TLN2: variants seen among roughly 807,000 people sequenced by gnomAD.
The protein encoded by TLN2 is talin 2.
TLN2 carries 118 observed loss-of-function variants against 294.7 expected under a neutral mutation model. The ratio of observed to expected loss-of-function variants is 0.40; its 90% CI spans 0.34 to 0.47. The LOEUF is 0.47. Ranked by LOEUF, TLN2 falls within the 20% of genes least tolerant of loss-of-function variation. TLN2 has a pLI of 0.84. For synonymous variants in TLN2, 1,431 were observed against 1,304.5 expected (o/e 1.10, Z -2.09); for missense variants, 3,083 against 3,282.2 (o/e 0.94, Z 1.48).
chr15:62,620,871 C>T (rs1282731685), intron 3 of TLN2, among the ~76,000 whole-genome samples: 5 of 130,224 alleles, frequency 3.8e-5, no homozygotes, highest in Admixed American at 2.6e-4. Flanking sequence ...GAGACGGAGT[C>T]TCTGTCGCCC....
chr15:62,801,283 C>T (rs1319856569), intron 50 of TLN2, among the ~76,000 whole-genome samples: 1 of 152,156 alleles, frequency 6.6e-6, no homozygotes, highest in Non-Finnish European at 1.5e-5. Context: ...GAGAAATTGA[C>T]CCTGTTCTTT....
At chr15:62,630,950 A>C (rs1027485253) in intron 3 of TLN2, among the ~76,000 whole-genome samples, 5 of 152,156 alleles carry the variant, frequency 3.3e-5, no homozygotes, top group African/African-American at 7.2e-5. Flanking sequence ...AAATTTCTAG[A>C]TGTCTTTCGA....
At chr15:62,739,182 G>T (rs1385004462) in intron 30 of TLN2, among the ~76,000 whole-genome samples, 166 bp from the exon 31 acceptor site, 4 of 152,162 alleles carry the variant, frequency 2.6e-5, no homozygotes, top group African/African-American at 9.6e-5. Flanking sequence ...TGTATATGTT[G>T]GTGGTCAAAC....
chr15:62,727,536 G>A (rs958469178), intron 28 of TLN2, among the ~76,000 whole-genome samples: 1 of 152,226 alleles, frequency 6.6e-6, no homozygotes, highest in Non-Finnish European at 1.5e-5. Flanking sequence ...GATGTCAATG[G>A]AATGTGTGAA....
chr15:62,741,051 T>C (rs2061296284), intron 32 of TLN2, among the ~76,000 whole-genome samples: 1 of 152,224 alleles, frequency 6.6e-6, no homozygotes, highest in Non-Finnish European at 1.5e-5. Context: ...TGCAATGAAT[T>C]AAACAGATTT....
intron 1 of TLN2, among the ~76,000 whole-genome samples, chr15:62,504,464 C>T (rs571573736): frequency 3.3e-5 from 5 of 152,262 alleles, no homozygotes; most frequent in South Asian, 2.1e-4. Flanking sequence ...GTGAGGTATT[C>T]GTGTAAAAGC....
At chr15:62,445,360 G>C (rs561196422) in intron 1 of TLN2, among the ~76,000 whole-genome samples, 1 of 152,124 alleles carries the variant, frequency 6.6e-6, no homozygotes, top group Non-Finnish European at 1.5e-5. Context: ...TGCTATATAC[G>C]TTAGAGTTTA....
rs571919048 is a variant in TLN2, at chr15:62,830,500, G to A, written c.7003-3004G>A. The stretch of plus-strand genomic sequence containing the variant: ...AATTCTGTTTCCTTCTTGTGATATG[G>A]TTAAGTGTGTGTCCTTCCTACCTTC... On this transcript the variant is annotated intron_variant, in intron 54 of 58. Coordinates refer to ENST00000636159, the MANE Select transcript of TLN2 (RefSeq NM_015059.3). 2.6e-5 allele frequency: 4 copies of A among 152,330 alleles called. No individual in the cohort carries two copies. The South Asian group carries it at 8.3e-4, about 32-fold the overall frequency. The allele number at this position is 152,330 out of a possible 1,614,324, so 9.4% of individuals were successfully genotyped here.
intron 41 of TLN2, 21 bp from the exon 42 acceptor site, chr15:62,770,943 T>G: frequency 6.9e-6 from 2 of 290,882 alleles, no homozygotes; most frequent in Non-Finnish European, 1.0e-5. Context: ...CATCTCTGGC[T>G]TTTTTTTTTT....
At chr15:62,629,938 T>G (rs928095061) in intron 3 of TLN2, among the ~76,000 whole-genome samples, 23 of 152,200 alleles carry the variant, frequency 1.5e-4, no homozygotes, top group African/African-American at 5.1e-4. Flanking sequence ...GCACCATAGA[T>G]CATTTTAACA....
intron 1 of TLN2, among the ~76,000 whole-genome samples, chr15:62,399,273 A>AAAAAAAAAAAAAAAAAAG (rs2032829301): frequency 6.6e-6 from 1 of 150,804 alleles, no homozygotes; most frequent in Non-Finnish European, 1.5e-5. Context: ...AAAAAAAAAA[A>AAAAAAAAAAAAAAAAAAG]AAAAAAAAAA....
chr15:62,799,375 G>A (rs1397408509), intron 48 of TLN2, among the ~76,000 whole-genome samples: 2 of 152,206 alleles, frequency 1.3e-5, no homozygotes, highest in African/African-American at 2.4e-5. Context: ...TGGAGCTACT[G>A]GACTGGGAAC....
chr15:62,567,917 A>T (rs565890629), intron 1 of TLN2, among the ~76,000 whole-genome samples: 10 of 152,250 alleles, frequency 6.6e-5, no homozygotes, highest in African/African-American at 2.4e-4. Flanking sequence ...TCGGCCAGGC[A>T]TGCTAAAGAT....
rs781612447 is a variant in TLN2, at chr15:62,694,366, G to A, written c.1266G>A (p.Met422Ile). ...FGLEGDEEST[M>I]LEESVSPKKS... ...TAGAAGGTGATGAGGAGTCAACCAT[G>A]TTAGAAGAGTCCGTTTCCCCAAAAA... Residue 422 changes from methionine to isoleucine, a missense_variant, in exon 14 of 59, where the codon ATG becomes ATA. Physicochemically the swap from Met to Ile is conservative, Grantham distance 10. Coordinates refer to ENST00000636159, the MANE Select transcript of TLN2 (RefSeq NM_015059.3). 5 of 1,614,004 alleles carry A rather than the reference G, an allele frequency of 3.1e-6. No homozygotes were observed. Among genetic ancestry groups the A allele is most frequent in the Non-Finnish European group, 4.2e-6 (5 of 1,179,998 alleles).
chr15:62,763,691 T>G lies in TLN2; in HGVS notation c.5090T>G (p.Val1697Gly). The G allele has an allele frequency of 6.2e-7, 1 of 1,605,036 alleles. No homozygotes were observed. Among genetic ancestry groups the G allele is most frequent in the Non-Finnish European group, 8.5e-7 (1 of 1,175,068 alleles). The stretch of plus-strand genomic sequence containing the variant: ...CTGGCCACGAGGGACGACATCTCTG[T>G]GGAGGTAAGCTGGGAATCTGGGGGC... Reference protein sequence around the residue: ...QSLATRDDISVEALQEQLTSV... With the variant: ...QSLATRDDISGEALQEQLTSV... The change falls in exon 40 of 59, where the codon GTG becomes GGG. Residue 1697 changes from valine to glycine, a missense_variant. Coordinates refer to ENST00000636159, the MANE Select transcript of TLN2 (RefSeq NM_015059.3).
intron 55 of TLN2, 119 bp from the exon 56 acceptor site, chr15:62,835,618 G>A (rs1451525580): frequency 3.7e-6 from 4 of 1,078,378 alleles, no homozygotes; most frequent in South Asian, 2.6e-5. Context: ...GGCCTGTGCT[G>A]TTGGCAGGAG....
chr15:62,473,345 T>C (rs2140366334), intron 1 of TLN2, among the ~76,000 whole-genome samples: 1 of 150,892 alleles, frequency 6.6e-6, no homozygotes, highest in Middle Eastern at 3.4e-3. Flanking sequence ...CACAAAACTG[T>C]CTTTTTTTTT....
At chr15:62,751,367 G>C (rs1254491235) in intron 34 of TLN2, among the ~76,000 whole-genome samples, 2 of 152,186 alleles carry the variant, frequency 1.3e-5, no homozygotes, top group Non-Finnish European at 2.9e-5. Flanking sequence ...GCTAAAACTA[G>C]AATTTCCTCA....
intron 9 of TLN2, among the ~76,000 whole-genome samples, chr15:62,664,427 T>C (rs1488168851): frequency 6.6e-6 from 1 of 152,036 alleles, no homozygotes; most frequent in Non-Finnish European, 1.5e-5. Context: ...ACCAAGGTTC[T>C]TTATAGAGGA....
Sources: gnomAD v4.1 joint callset for allele counts (sites outside exome capture counted in the v4.1 genomes callset) on GRCh38, gnomAD v4.1.1 for gene constraint, MANE v1.5 for transcripts, NCBI Gene and HGNC (gene_info 2026-07-23, HGNC 2026-07-21) for gene names.